NTM: variants seen among roughly 807,000 people sequenced by gnomAD.
NTM encodes neurotrimin, also known as IgLON family member 2.
A neutral mutation model predicts 42.1 loss-of-function variants in NTM; 13 were observed. The ratio of observed to expected loss-of-function variants is 0.31; its 90% confidence interval spans 0.20 to 0.49. The LOEUF (loss-of-function observed/expected upper bound fraction) is 0.49. NTM is among the 20% of genes least tolerant of loss of function. The pLI, the probability that NTM is intolerant of heterozygous loss-of-function variation, is 0.99. For synonymous variants in NTM, 187 were observed against 179.2 expected, an observed-to-expected ratio of 1.04 and a Z score of -0.35; for missense variants, 373 against 452.8, an observed-to-expected ratio of 0.82 and a Z score of 1.60.
chr11:131,766,201 A>C (rs1162752551), intron 1 of NTM, among the ~76,000 whole-genome samples: 6 of 152,136 alleles, frequency 3.9e-5, no homozygotes, highest in Non-Finnish European at 7.3e-5. Flanking sequence ...TCATGTGTCC[A>C]TATATGCCCT....
chr11:132,101,555 C>CG (rs59352503), intron 2 of NTM, among the ~76,000 whole-genome samples: 57,155 of 150,148 alleles, frequency 0.38, 11,309 homozygotes, highest in Middle Eastern at 0.47. Flanking sequence ...GGAACACAAC[C>CG]TTGTGTGTGT....
intron 3 of NTM, among the ~76,000 whole-genome samples, chr11:132,208,969 G>A (rs2082409405): frequency 6.6e-6 from 1 of 152,194 alleles, no homozygotes; most frequent in South Asian, 2.1e-4. Flanking sequence ...CAGGAAGCAA[G>A]CAAGGCTGTG....
intron 4 of NTM, among the ~76,000 whole-genome samples, chr11:132,214,763 G>T (rs929237237): frequency 6.6e-6 from 1 of 152,140 alleles, no homozygotes; most frequent in Admixed American, 6.5e-5. Flanking sequence ...CCTGGGCCAG[G>T]TGTCCCATTT....
chr11:132,112,444 G>A (rs2063335068), intron 2 of NTM, among the ~76,000 whole-genome samples: 1 of 152,170 alleles, frequency 6.6e-6, no homozygotes, highest in South Asian at 2.1e-4. Context: ...AAGTCTTAGA[G>A]AATCTCTTGT....
chr11:132,321,235 G>C (rs138175296), intron 7 of NTM, among the ~76,000 whole-genome samples: 2 of 152,128 alleles, frequency 1.3e-5, no homozygotes, highest in Non-Finnish European at 2.9e-5. Context: ...TCTGAGCTAC[G>C]GGAGGACATT....
At chr11:131,736,748 A>G (rs1437272822) in intron 1 of NTM, among the ~76,000 whole-genome samples, 1 of 152,162 alleles carries the variant, frequency 6.6e-6, no homozygotes, top group East Asian at 1.9e-4. Flanking sequence ...ACATTTCCGC[A>G]GCTTCTCTTA....
At chr11:132,112,009 A>T (rs1335875687) in intron 2 of NTM, among the ~76,000 whole-genome samples, 1 of 152,226 alleles carries the variant, frequency 6.6e-6, no homozygotes, top group Non-Finnish European at 1.5e-5. Context: ...CAGACTACAA[A>T]TAGCTGCTCT....
At chr11:132,202,205 T>C (rs1258516077) in intron 3 of NTM, among the ~76,000 whole-genome samples, 1 of 152,176 alleles carries the variant, frequency 6.6e-6, no homozygotes, top group Non-Finnish European at 1.5e-5. Flanking sequence ...TTGGGTTACT[T>C]GTGTAACCTC....
Position 131,507,428 on chromosome 11 carries a change from G to A in NTM, c.82+136540G>A, listed in dbSNP as rs568690691. 7.3e-5 allele frequency among the ~76,000 whole-genome samples: 11 copies of A among 151,624 alleles called. No individual in the cohort carries two copies. The South Asian group carries it at 2.1e-3, about 29-fold the overall frequency. On this transcript the variant is annotated intron_variant, in intron 1 of 8. Coordinates refer to ENST00000683400, the MANE Select transcript of NTM (RefSeq NM_001352005.2). The stretch of plus-strand genomic sequence containing the variant: ...TCCATTGATCTATATCTCTGTTTTG[G>A]TACCAGTACCATGCTGTTTTGGTTA...
At chr11:132,069,190 T>C (rs1403301467) in intron 2 of NTM, among the ~76,000 whole-genome samples, 2 of 149,752 alleles carry the variant, frequency 1.3e-5, no homozygotes, top group African/African-American at 4.9e-5. Flanking sequence ...ACAGCCAAGT[T>C]AACACGTCAA....
At chr11:132,301,472 A>T (rs1203077056) in intron 4 of NTM, among the ~76,000 whole-genome samples, 1 of 152,188 alleles carries the variant, frequency 6.6e-6, no homozygotes, top group Non-Finnish European at 1.5e-5. Flanking sequence ...AGACCTCAAA[A>T]TCAGTTCCTG....
At chr11:131,687,748 C>A (rs1034528917) in intron 1 of NTM, among the ~76,000 whole-genome samples, 1 of 152,066 alleles carries the variant, frequency 6.6e-6, no homozygotes, top group Non-Finnish European at 1.5e-5. Flanking sequence ...GAGGGACAGG[C>A]GGCCACAGGC....
chr11:131,428,004 T>C (rs1238462987), intron 1 of NTM, among the ~76,000 whole-genome samples: 1 of 152,214 alleles, frequency 6.6e-6, no homozygotes, highest in Non-Finnish European at 1.5e-5. Context: ...TGACTTCTAC[T>C]CTCAGTTTCA....
At chr11:131,590,869 G>A (rs2059303734) in intron 1 of NTM, among the ~76,000 whole-genome samples, 1 of 152,150 alleles carries the variant, frequency 6.6e-6, no homozygotes, top group African/African-American at 2.4e-5. Flanking sequence ...GAACTTTGCT[G>A]TCCCCACACA....
intron 2 of NTM, among the ~76,000 whole-genome samples, chr11:131,914,833 G>T (rs1592816181): frequency 6.6e-6 from 1 of 152,276 alleles, no homozygotes; most frequent in East Asian, 1.9e-4. Context: ...CTATGTGTTG[G>T]GGAGTATCTA....
chr11:131,872,164 G>T (rs1308803436), intron 1 of NTM, among the ~76,000 whole-genome samples: 1 of 152,154 alleles, frequency 6.6e-6, no homozygotes, highest in African/African-American at 2.4e-5. Context: ...GTAAAGCAGG[G>T]TCACGCAGAT....
chr11:131,624,055 G>A (rs997027165), intron 1 of NTM, among the ~76,000 whole-genome samples: 1 of 152,180 alleles, frequency 6.6e-6, no homozygotes, highest in South Asian at 2.1e-4. Flanking sequence ...TTTTGCCCCA[G>A]TCATTTCCTG....
chr11:131,672,409 G>A (rs908677333), intron 1 of NTM, among the ~76,000 whole-genome samples: 10 of 152,200 alleles, frequency 6.6e-5, no homozygotes, highest in Admixed American at 2.0e-4. Context: ...CACGAAGCAC[G>A]CGTGGGCGTG....
At chr11:132,313,413 T>TAAAC (rs2136135998) in intron 6 of NTM, among the ~76,000 whole-genome samples, 1 of 152,256 alleles carries the variant, frequency 6.6e-6, no homozygotes, top group Non-Finnish European at 1.5e-5. Flanking sequence ...AGCCAGGCCC[T>TAAAC]AAACAGGAAA....
Sources: gnomAD v4.1 joint callset for allele counts (sites outside exome capture counted in the v4.1 genomes callset) on GRCh38, gnomAD v4.1.1 for gene constraint, MANE v1.5 for transcripts, NCBI Gene and HGNC (gene_info 2026-07-23, HGNC 2026-07-21) for gene names.